Variants in GPC5 observed in about 807,000 individuals in gnomAD.
GPC5 encodes glypican 5, also known as glypican-5.
Under a neutral mutation model 53.9 loss-of-function variants are expected in GPC5, and 47 were observed. The ratio of observed to expected loss-of-function variants is 0.87; its 90% CI spans 0.69 to 1.11. GPC5 has a LOEUF of 1.11. Ranked by LOEUF, GPC5 falls within the 50% of genes most tolerant of loss-of-function variation. The pLI is 0.00. For missense variants in GPC5, 748 were observed against 713.1 expected (o/e 1.05, Z -0.56); for synonymous variants, 286 against 263.3 (o/e 1.09, Z -0.84).
At chr13:91,833,263 AC>A (rs967946834) in intron 5 of GPC5, among the ~76,000 whole-genome samples, 42 of 152,280 alleles carry the variant, frequency 2.8e-4, no homozygotes, top group African/African-American at 1.0e-3. Flanking sequence ...TAGCCTACCA[AC>A]CAAAAAAACC....
At chr13:91,739,887 C>A (rs1365585302) in intron 4 of GPC5, among the ~76,000 whole-genome samples, 6 of 151,390 alleles carry the variant, frequency 4.0e-5, no homozygotes, top group Admixed American at 6.6e-5. Context: ...TCTCATCCAT[C>A]TCATCCACCT....
chr13:91,986,024 A>G (rs990089847), intron 6 of GPC5, among the ~76,000 whole-genome samples: 1 of 150,066 alleles, frequency 6.7e-6, no homozygotes, highest in Admixed American at 6.6e-5. Context: ...AAGTTTTAAA[A>G]TATATATCTA....
intron 2 of GPC5, among the ~76,000 whole-genome samples, chr13:91,643,977 AAG>A (rs2034497051): frequency 3.6e-5 from 1 of 27,530 alleles, no homozygotes; most frequent in Non-Finnish European, 2.2e-4. Flanking sequence ...TTCATATGTT[AAG>A]ACTTCAACAT....
intron 6 of GPC5, among the ~76,000 whole-genome samples, chr13:92,001,325 A>T (rs1238133627): frequency 6.6e-6 from 1 of 152,188 alleles, no homozygotes; most frequent in Non-Finnish European, 1.5e-5. Flanking sequence ...TGTAAATTTT[A>T]TTATGTTTTT....
intron 5 of GPC5, among the ~76,000 whole-genome samples, chr13:91,786,857 T>A (rs1349664648): frequency 6.6e-6 from 1 of 152,124 alleles, no homozygotes; most frequent in East Asian, 1.9e-4. Flanking sequence ...TTATTTGGGC[T>A]CTTCATCATT....
chr13:91,862,183 T>A (rs989095451), intron 5 of GPC5, among the ~76,000 whole-genome samples: 2 of 152,204 alleles, frequency 1.3e-5, no homozygotes, highest in African/African-American at 2.4e-5. Flanking sequence ...GACTAAAAAA[T>A]TTCTGTTAGC....
intron 7 of GPC5, among the ~76,000 whole-genome samples, chr13:92,384,345 A>C (rs1332694814): frequency 1.3e-5 from 2 of 152,138 alleles, no homozygotes; most frequent in Non-Finnish European, 2.9e-5. Context: ...GAGATATCAC[A>C]AGCACAGAAC....
At chr13:91,487,551 GAT>G (rs1039236098) in intron 2 of GPC5, among the ~76,000 whole-genome samples, 2 of 152,128 alleles carry the variant, frequency 1.3e-5, no homozygotes, top group African/African-American at 4.8e-5. Context: ...TCCAAGATCT[GAT>G]CACCTTCAAT....
At chr13:92,159,689 G>T (rs1452252736) in intron 7 of GPC5, among the ~76,000 whole-genome samples, 5 of 129,608 alleles carry the variant, frequency 3.9e-5, no homozygotes, top group South Asian at 5.5e-4. Flanking sequence ...TGCAAGCTCC[G>T]CCTCCCGGGT....
At chr13:92,084,520 C>T (rs1034814141) in intron 6 of GPC5, among the ~76,000 whole-genome samples, 2 of 152,104 alleles carry the variant, frequency 1.3e-5, no homozygotes, top group Admixed American at 1.3e-4. Context: ...TTCTTTTCTT[C>T]AAAATATAAC....
intron 7 of GPC5, among the ~76,000 whole-genome samples, chr13:92,591,476 T>C (rs1233504900): frequency 2.6e-5 from 4 of 152,198 alleles, no homozygotes; most frequent in African/African-American, 4.8e-5. Flanking sequence ...TTAATTAACA[T>C]ATAAAATTAT....
In GPC5 at chr13:92,745,786, A is replaced by C. The variant is rs992005802; in HGVS notation, c.1562-120496A>C. ...TTTTTTCAAAATTTCGAAACTAATA[A>C]ATTTTCAAAATCACATTAGTTTCAT... On this transcript the variant is annotated intron_variant, in intron 7 of 7. Coordinates refer to ENST00000377067, the MANE Select transcript of GPC5 (RefSeq NM_004466.6). Among the ~76,000 whole-genome samples, 4 of 152,074 alleles carry C rather than the reference A, an allele frequency of 2.6e-5. No homozygotes were observed. The South Asian group carries it at 8.3e-4, about 31-fold the overall frequency.
intron 7 of GPC5, among the ~76,000 whole-genome samples, chr13:92,832,349 A>C (rs763670842): frequency 6.6e-6 from 1 of 152,250 alleles, no homozygotes; most frequent in East Asian, 1.9e-4. Flanking sequence ...TAAAGATGGA[A>C]GAACTAAAAA....
At chr13:91,651,508 T>C (rs1161488705) in intron 2 of GPC5, among the ~76,000 whole-genome samples, 1 of 152,120 alleles carries the variant, frequency 6.6e-6, no homozygotes, top group Non-Finnish European at 1.5e-5. Flanking sequence ...TCACCTGAGG[T>C]TGGGAGTTCA....
chr13:92,774,616 G>T (rs1875733508), intron 7 of GPC5, among the ~76,000 whole-genome samples: 1 of 152,056 alleles, frequency 6.6e-6, no homozygotes, highest in African/African-American at 2.4e-5. Flanking sequence ...CACTTTTCAG[G>T]ATACTGACTT....
At chr13:91,469,467 A>G (rs9560807) in intron 2 of GPC5, among the ~76,000 whole-genome samples, 73,571 of 151,134 alleles carry the variant, frequency 0.49, 18,585 homozygotes, top group African/African-American at 0.63. Context: ...TCTTCCTATG[A>G]TATTGCCCAG....
chr13:92,751,320 A>AAAAAAAAAAAAAAAAAAAAAAAAAAAAAG (rs1889389873), intron 7 of GPC5, among the ~76,000 whole-genome samples: 1 of 147,800 alleles, frequency 6.8e-6, no homozygotes, highest in African/African-American at 2.5e-5. Context: ...AAAAAAAAAA[A>AAAAAAAAAAAAAAAAAAAAAAAAAAAAAG]AAAAAAAAAA....
intron 7 of GPC5, among the ~76,000 whole-genome samples, chr13:92,703,832 G>T (rs1317925271): frequency 6.6e-6 from 1 of 151,850 alleles, no homozygotes; most frequent in Non-Finnish European, 1.5e-5. Flanking sequence ...ATATCGATTT[G>T]TAAATAAAGA....
At chr13:92,090,633 A>C (rs2041372634) in intron 6 of GPC5, among the ~76,000 whole-genome samples, 1 of 152,178 alleles carries the variant, frequency 6.6e-6, no homozygotes, top group Admixed American at 6.5e-5. Context: ...AGATTAAGAC[A>C]CCTAGGATGG....
Sources: allele counts gnomAD v4.1 joint callset (sites outside exome capture counted in the v4.1 genomes callset), GRCh38; gene constraint gnomAD v4.1.1; transcripts MANE v1.5; gene names NCBI Gene and HGNC (gene_info 2026-07-23, HGNC 2026-07-21).